The following CCBE1 variants were observed in gnomAD, a reference collection of about 807,000 sequenced individuals.
CCBE1 encodes the protein collagen and calcium-binding EGF domain-containing protein 1.
CCBE1 carries 37 observed loss-of-function variants against 50.0 expected under a neutral mutation model. The observed-to-expected ratio is 0.74, with a 90% CI of 0.57 to 0.97. CCBE1 has a LOEUF of 0.97. Among genes scored for constraint, CCBE1 ranks in the 50% least tolerant of loss-of-function variants. CCBE1 has a pLI of 0.00. For synonymous variants in CCBE1, 234 were observed against 203.7 expected (o/e 1.15, Z -1.27); for missense variants, 538 against 523.8 (o/e 1.03, Z -0.26).
At position 59,464,375 on chromosome 18, in the gene CCBE1, C is replaced by A. The variant is rs190701774; in HGVS notation, c.553+2364G>T. On this transcript the variant is annotated intron_variant, in intron 5 of 10. Transcript: ENST00000439986. ...CCCGGGAGGCTGAATTTGCAGTGAGCTGAGATTGCACCACTGCACTCCAGC... is the reference window on the plus strand; with the variant it reads ...CCCGGGAGGCTGAATTTGCAGTGAGATGAGATTGCACCACTGCACTCCAGC... Among the ~76,000 whole-genome samples, 23 of 152,322 alleles carry A rather than the reference C, an allele frequency of 1.5e-4. No individual in the cohort carries two copies. In the East Asian group the frequency reaches 4.4e-3, roughly 29 times the overall value.
At chr18:59,517,211 C>A (rs1914410898) in intron 2 of CCBE1, among the ~76,000 whole-genome samples, 1 of 152,172 alleles carries the variant, frequency 6.6e-6, no homozygotes, top group Non-Finnish European at 1.5e-5. Flanking sequence ...TGCTAAAGCC[C>A]TTTTGAGAAA....
At chr18:59,509,718 T>A (rs1244904831) in intron 2 of CCBE1, among the ~76,000 whole-genome samples, 4 of 152,184 alleles carry the variant, frequency 2.6e-5, no homozygotes, top group Non-Finnish European at 5.9e-5. Flanking sequence ...AGGAGGGAAC[T>A]GGAAAACAAC....
rs191133236 is a variant in CCBE1, at chr18:59,615,880, C to T, written c.212+80749G>A. Among the ~76,000 whole-genome samples the T allele has an allele frequency of 1.4e-3, 215 of 152,244 alleles. 4 individuals carry two copies. In the Middle Eastern group the frequency reaches 0.027, roughly 19 times the overall value. ...TAAGAAGGTTGAAAGTAAGCAAGCA[C>T]TCATAGAGCAAAGAGGACACTTACC... On this transcript the variant is annotated intron_variant, in intron 2 of 10. Coordinates refer to ENST00000439986, the MANE Select transcript of CCBE1 (RefSeq NM_133459.4).
At chr18:59,492,090 G>A (rs1913131412) in intron 2 of CCBE1, among the ~76,000 whole-genome samples, 2 of 147,284 alleles carry the variant, frequency 1.4e-5, no homozygotes, top group South Asian at 2.2e-4. Flanking sequence ...GGTTGCAGTG[G>A]GCCAAGATTG....
intron 2 of CCBE1, among the ~76,000 whole-genome samples, chr18:59,580,881 T>TG (rs2053074605): frequency 6.6e-6 from 1 of 152,210 alleles, no homozygotes; most frequent in African/African-American, 2.4e-5. Flanking sequence ...CTGGCCACAC[T>TG]GGGGGGCCTG....
At chr18:59,654,097 ATTCTG>A (rs1192791058) in intron 2 of CCBE1, among the ~76,000 whole-genome samples, 3 of 152,260 alleles carry the variant, frequency 2.0e-5, no homozygotes, top group Admixed American at 2.0e-4. Context: ...AGAGTGAAAC[ATTCTG>A]TTCTGTTTAA....
intron 2 of CCBE1, among the ~76,000 whole-genome samples, chr18:59,613,619 G>T (rs934502082): frequency 1.3e-5 from 2 of 151,830 alleles, no homozygotes; most frequent in Non-Finnish European, 2.9e-5. Flanking sequence ...CAATATAGAG[G>T]CCAGGCACAG....
intron 2 of CCBE1, among the ~76,000 whole-genome samples, chr18:59,534,673 G>A (rs1359528700): frequency 3.3e-5 from 5 of 152,168 alleles, no homozygotes; most frequent in Non-Finnish European, 5.9e-5. Context: ...GGGCCAGCAG[G>A]CTGTGTTTTC....
intron 2 of CCBE1, among the ~76,000 whole-genome samples, chr18:59,662,327 G>A (rs1227344527): frequency 1.3e-5 from 2 of 152,184 alleles, no homozygotes; most frequent in East Asian, 1.9e-4. Flanking sequence ...TGAAAGTTCT[G>A]TACTGATTTG....
intron 2 of CCBE1, among the ~76,000 whole-genome samples, chr18:59,539,794 T>A (rs1226807559): frequency 6.6e-6 from 1 of 152,242 alleles, no homozygotes; most frequent in African/African-American, 2.4e-5. Context: ...AAAACTCACA[T>A]AAGAATCAAC....
At chr18:59,606,940 A>G (rs562529565) in intron 2 of CCBE1, among the ~76,000 whole-genome samples, 82 of 152,010 alleles carry the variant, frequency 5.4e-4, no homozygotes, top group Non-Finnish European at 1.0e-3. Flanking sequence ...TTAGTCGGAC[A>G]TGAGTCTGTT....
At chr18:59,561,259 C>T (rs1190264851) in intron 2 of CCBE1, among the ~76,000 whole-genome samples, 2 of 152,212 alleles carry the variant, frequency 1.3e-5, no homozygotes, top group South Asian at 4.1e-4. Flanking sequence ...GGCCTGCATG[C>T]CCAAAGCTTA....
At chr18:59,459,390 C>T (rs1598917727) in intron 5 of CCBE1, among the ~76,000 whole-genome samples, 1 of 152,212 alleles carries the variant, frequency 6.6e-6, no homozygotes, top group Non-Finnish European at 1.5e-5. Flanking sequence ...ACATATGCTA[C>T]ATTAACAGTT....
At chr18:59,454,482 G>T (rs183320760) in intron 6 of CCBE1, among the ~76,000 whole-genome samples, 23 of 152,292 alleles carry the variant, frequency 1.5e-4, no homozygotes, top group African/African-American at 5.1e-4. Context: ...CTGACCTCAG[G>T]TGATCCACCT....
intron 2 of CCBE1, among the ~76,000 whole-genome samples, chr18:59,560,986 C>T (rs2052728778): frequency 1.3e-5 from 2 of 152,234 alleles, no homozygotes; most frequent in South Asian, 2.1e-4. Context: ...GACCCTGAGC[C>T]TTCACTGATA....
chr18:59,636,164 A>G (rs572325699), intron 2 of CCBE1, among the ~76,000 whole-genome samples: 1 of 152,174 alleles, frequency 6.6e-6, no homozygotes, highest in East Asian at 1.9e-4. Flanking sequence ...AAAAAAAAAT[A>G]AAGCCCTAGC....
intron 2 of CCBE1, among the ~76,000 whole-genome samples, chr18:59,529,766 C>A (rs1026765952): frequency 6.6e-6 from 1 of 152,132 alleles, no homozygotes; most frequent in Admixed American, 6.5e-5. Context: ...TCAGTGGGAG[C>A]CTCCAACTGC....
At chr18:59,455,201 A>G in intron 5 of CCBE1, 1 of 586,922 alleles carries the variant, frequency 1.7e-6, no homozygotes, top group Non-Finnish European at 3.1e-6. Context: ...ACATGCCAGG[A>G]AGACCCTGAT....
At chr18:59,603,096 G>A (rs2053453530) in intron 2 of CCBE1, among the ~76,000 whole-genome samples, 1 of 152,134 alleles carries the variant, frequency 6.6e-6, no homozygotes, top group South Asian at 2.1e-4. Context: ...AGCACTAATA[G>A]GACAATATTT....
Sources: allele counts gnomAD v4.1 joint callset (sites outside exome capture counted in the v4.1 genomes callset), GRCh38; gene constraint gnomAD v4.1.1; transcripts MANE v1.5; gene names NCBI Gene and HGNC (gene_info 2026-07-23, HGNC 2026-07-21).